The following ATG14 variants were observed in gnomAD, a reference collection of about 807,000 sequenced individuals.
The protein encoded by ATG14 is autophagy related 14.
Under a neutral mutation model 60.4 loss-of-function variants are expected in ATG14, and 35 were observed. The observed-to-expected ratio is 0.58, with a 90% CI of 0.44 to 0.77. The LOEUF (loss-of-function observed/expected upper bound fraction) is 0.77. Among genes scored for constraint, ATG14 ranks in the 30% least tolerant of loss-of-function variants. The probability of loss-of-function intolerance (pLI) is 0.00; values close to 1 mark genes in which losing one functional copy is unlikely to be tolerated. For missense variants in ATG14, 647 were observed against 626.3 expected (o/e 1.03, Z -0.35); for synonymous variants, 234 against 228.8 (o/e 1.02, Z -0.21).
At chr14:55,395,518 G>A (rs17675223) in intron 3 of ATG14, among the ~76,000 whole-genome samples, 45,594 of 152,002 alleles carry the variant, frequency 0.3, 7,185 homozygotes, top group East Asian at 0.35. Flanking sequence ...GCACCTGGCC[G>A]GAAGTTTTAA....
Position 55,377,653 on chromosome 14 carries a change from A to G in ATG14, c.1172+166T>C, listed in dbSNP as rs527528769. Among the ~76,000 whole-genome samples, 21 of 152,326 alleles carry G rather than the reference A, an allele frequency of 1.4e-4. No homozygotes were observed. The South Asian group carries it at 4.4e-3, about 32-fold the overall frequency. On this transcript the variant is annotated intron_variant, in intron 9 of 9. Transcript: ENST00000247178. ...GACATGATTACAAAAAAAACCCATA[A>G]AAGTTCAAATATAATTACCTTTGTT...
At chr14:55,405,934 T>G in intron 1 of ATG14, among the ~76,000 whole-genome samples, 1 of 150,322 alleles carries the variant, frequency 6.7e-6, no homozygotes, top group Non-Finnish European at 1.5e-5. Flanking sequence ...GCAGAGGAGG[T>G]ATTGTTCAGG....
rs1039971904 is a variant in ATG14, at chr14:55,368,007, A to G, written c.*1612T>C. 3 of 152,668 alleles carry G rather than the reference A, an allele frequency of 2.0e-5. No homozygotes were observed. The highest frequency in any genetic ancestry group is 7.2e-5 in the African/African-American group (3 of 41,462). 9.5% of individuals were successfully genotyped at this position (152,668 alleles called of 1,614,324 possible). A position where few individuals can be genotyped will look rare whatever the true frequency, so the allele number is the denominator to read the frequency against. ...CTCTGAATGATTTATCAGAGGTGCTATCATGCCAATCACATAAGATATGGT... is the reference window on the plus strand; with the variant it reads ...CTCTGAATGATTTATCAGAGGTGCTGTCATGCCAATCACATAAGATATGGT... On this transcript the variant is annotated 3_prime_UTR_variant, in exon 10 of 10. Transcript: ENST00000247178.
chr14:55,381,341 G>A (rs1885030180), intron 6 of ATG14, among the ~76,000 whole-genome samples: 1 of 152,108 alleles, frequency 6.6e-6, no homozygotes, highest in Admixed American at 6.5e-5. Flanking sequence ...TCCCATTGGG[G>A]CCTTTCAGTC....
chr14:55,371,680 T>G (rs1049410748), intron 9 of ATG14, among the ~76,000 whole-genome samples: 8 of 152,130 alleles, frequency 5.3e-5, no homozygotes, highest in African/African-American at 1.9e-4. Context: ...GGCGGGCACC[T>G]GTAGTCCCGG....
Position 55,366,671 on chromosome 14 carries a change from AACAG to A in ATG14, c.*2944_*2947del, listed in dbSNP as rs1350384621. On this transcript the variant is annotated 3_prime_UTR_variant, in exon 10 of 10. Coordinates refer to ENST00000247178, the MANE Select transcript of ATG14 (RefSeq NM_014924.5). ...TATTCCATAACCAAAAAATGTCTTT[AACAG>A]ACCATTTTAAGCAGCCTGTTTGGTG... 1 of 152,514 alleles carries A rather than the reference AACAG, an allele frequency of 6.6e-6. No individual in the cohort carries two copies. The highest frequency in any genetic ancestry group is 2.4e-5 in the African/African-American group (1 of 41,456). The allele number at this position is 152,514 out of a possible 1,614,324, so 9.4% of individuals were successfully genotyped here. A position where few individuals can be genotyped will look rare whatever the true frequency, so the allele number is the denominator to read the frequency against.
intron 2 of ATG14, among the ~76,000 whole-genome samples, chr14:55,396,683 C>T (rs1446832675): frequency 6.6e-6 from 1 of 152,130 alleles, no homozygotes; most frequent in Non-Finnish European, 1.5e-5. Flanking sequence ...AGAGGAAAAG[C>T]ACTGAGGTAA....
Position 55,382,114 on chromosome 14 carries a change from C to T in ATG14, c.725G>A (p.Arg242Lys). 6.2e-7 allele frequency: 1 copy of T among 1,614,064 alleles called. No homozygotes were observed. The highest frequency in any genetic ancestry group is 8.5e-7 in the Non-Finnish European group (1 of 1,180,004). The change falls in exon 6 of 10, where the codon AGG becomes AAG. Residue 242 changes from arginine (R) to lysine (K), a missense_variant. Physicochemically the swap from Arg to Lys is conservative, Grantham distance 26 (BLOSUM62 2). Transcript: ENST00000247178. Reference protein sequence around the residue: ...STVSKLAEARRTTYLSGRWVC... With the variant: ...STVSKLAEARKTTYLSGRWVC... ...CCATCGTCCTGAGAGGTAAGTTGTC[C>T]TCCGGGCTTCAGCAAGCTTGCTCAC...
intron 1 of ATG14, among the ~76,000 whole-genome samples, chr14:55,398,283 C>T (rs983257732): frequency 1.2e-4 from 19 of 152,066 alleles, no homozygotes; most frequent in African/African-American, 4.6e-4. Flanking sequence ...AGTTTTCTAT[C>T]TTTATTTTCT....
chr14:55,408,943 T>C (rs1472587429), intron 1 of ATG14, among the ~76,000 whole-genome samples: 3 of 152,222 alleles, frequency 2.0e-5, no homozygotes, highest in Non-Finnish European at 2.9e-5. Flanking sequence ...AGCTTGGATT[T>C]TATTTTAAAT....
intron 9 of ATG14, among the ~76,000 whole-genome samples, chr14:55,374,948 C>T (rs1352204142): frequency 2.0e-5 from 3 of 152,210 alleles, no homozygotes; most frequent in African/African-American, 7.2e-5. Context: ...TTATTGTTTT[C>T]AAAACTTCCT....
chr14:55,385,809 G>A, intron 5 of ATG14, 50 bp downstream of exon 5: 1 of 1,441,812 alleles, frequency 6.9e-7, no homozygotes, highest in Middle Eastern at 1.8e-4. Context: ...ACTTTAAAAA[G>A]TATTTGGAAC....
At chr14:55,378,147 T>A in intron 7 of ATG14, 73 bp from the exon 8 acceptor site, 1 of 1,283,390 alleles carries the variant, frequency 7.8e-7, no homozygotes, top group Non-Finnish European at 1.1e-6. Context: ...CCATTTACAG[T>A]ACAATTAGGT....
chr14:55,370,209 T>C (rs375119329), intron 9 of ATG14, among the ~76,000 whole-genome samples: 5 of 152,228 alleles, frequency 3.3e-5, no homozygotes, highest in East Asian at 1.9e-4. Context: ...TTCACTGAGA[T>C]GGCCCATGCT....
At chr14:55,380,724 C>G (rs1299430053) in intron 6 of ATG14, 34 bp from the exon 7 acceptor site, 2 of 1,422,858 alleles carry the variant, frequency 1.4e-6, no homozygotes, top group Non-Finnish European at 2.0e-6. Context: ...TGTACAAAAC[C>G]TTAATTCCAA....
intron 7 of ATG14, 119 bp from the exon 8 acceptor site, chr14:55,378,193 A>T: frequency 4.0e-6 from 3 of 750,578 alleles, no homozygotes; most frequent in Non-Finnish European, 6.6e-6. Context: ...CTCCTTAGTA[A>T]ATTGCACTTA....
In ATG14 at chr14:55,369,889, C is replaced by T. The variant is rs201913375; in HGVS notation, c.1209G>A (p.Glu403=). 76 of 1,613,912 alleles carry T rather than the reference C, an allele frequency of 4.7e-5. No homozygotes were observed. In the East Asian group the frequency reaches 1.0e-3, roughly 22 times the overall value. Reference sequence around the variant, plus strand: ...CTCCGGGATCCACAAATTCCATGGACTCCTCAAGGTCTGCTCGTACTTCAA... The same window carrying T: ...CTCCGGGATCCACAAATTCCATGGATTCCTCAAGGTCTGCTCGTACTTCAA... ...GPFEVRADLE[E]SMEFVDPGVA... Residue 403 remains glutamate, a synonymous_variant, in exon 10 of 10, where the codon GAG becomes GAA. Coordinates refer to ENST00000247178, the MANE Select transcript of ATG14 (RefSeq NM_014924.5).
At chr14:55,390,651 G>T (rs142831778) in intron 4 of ATG14, among the ~76,000 whole-genome samples, 5 of 152,224 alleles carry the variant, frequency 3.3e-5, no homozygotes, top group African/African-American at 9.6e-5. Context: ...GATTACAGGC[G>T]TGAGCTACCA....
intron 1 of ATG14, among the ~76,000 whole-genome samples, chr14:55,397,943 CTTTTTTTTTTTT>C (rs928087584): frequency 9.5e-6 from 1 of 105,558 alleles, no homozygotes; most frequent in East Asian, 2.9e-4. Context: ...TGCAGTAATT[CTTTTTTTTTTTT>C]TTTTTTTTTT....
Sources: gnomAD v4.1 joint callset for allele counts (sites outside exome capture counted in the v4.1 genomes callset) on GRCh38, gnomAD v4.1.1 for gene constraint, MANE v1.5 for transcripts, NCBI Gene and HGNC (gene_info 2026-07-23, HGNC 2026-07-21) for gene names.